PLD5: variants seen among roughly 807,000 people sequenced by gnomAD.
PLD5 encodes the protein phospholipase D family member 5, also known as inactive phospholipase D5.
PLD5 carries 36 observed loss-of-function variants against 61.1 expected under a neutral mutation model. That is an observed-to-expected ratio of 0.59 (90% CI 0.45 to 0.78). PLD5 has a LOEUF of 0.78. Ranked by LOEUF, PLD5 falls within the 30% of genes least tolerant of loss-of-function variation. The pLI is 0.00. For synonymous variants in PLD5, 243 were observed against 242.8 expected, an observed-to-expected ratio of 1.00 and a Z score of -0.01; for missense variants, 515 against 644.4, an observed-to-expected ratio of 0.80 and a Z score of 2.17.
intron 1 of PLD5, among the ~76,000 whole-genome samples, chr1:242,450,573 C>G (rs1000282072): frequency 1.7e-4 from 26 of 152,000 alleles, no homozygotes; most frequent in African/African-American, 5.8e-4. Flanking sequence ...ATGGTTAGGC[C>G]TAGAAAGGGC....
intron 9 of PLD5, among the ~76,000 whole-genome samples, chr1:242,100,070 G>T (rs575241549): frequency 6.6e-6 from 1 of 152,184 alleles, no homozygotes; most frequent in Admixed American, 6.5e-5. Context: ...GCATTAATTG[G>T]GTATTATCTA....
intron 1 of PLD5, among the ~76,000 whole-genome samples, chr1:242,376,238 C>G (rs1370698098): frequency 6.6e-6 from 1 of 152,126 alleles, no homozygotes; most frequent in Non-Finnish European, 1.5e-5. Flanking sequence ...AGGAAATCAG[C>G]CTTCCTTATT....
intron 5 of PLD5, among the ~76,000 whole-genome samples, chr1:242,159,539 T>TGGTTCTCCGAGGTGGGGTAC (rs986061150): frequency 6.6e-6 from 1 of 152,168 alleles, no homozygotes; most frequent in African/African-American, 2.4e-5. Context: ...ACTGTGTTTA[T>TGGTTCTCCGAGGTGGGGTAC]GGTTCTCCGA....
At chr1:242,235,279 C>T (rs1394728200) in intron 4 of PLD5, among the ~76,000 whole-genome samples, 1 of 152,204 alleles carries the variant, frequency 6.6e-6, no homozygotes, top group Non-Finnish European at 1.5e-5. Context: ...CTTTAGATCA[C>T]CTTTAGTATT....
chr1:242,512,255 CAAAAAAA>C lies in PLD5; in HGVS notation c.189+11826_189+11832del, dbSNP rs55735206. Among the ~76,000 whole-genome samples the C allele has an allele frequency of 2.4e-5, 3 of 125,662 alleles. No individual in the cohort carries two copies. The East Asian group carries it at 7.1e-4, about 30-fold the overall frequency. The allele number at this position is 125,662 out of a possible 152,430, so 82.4% of individuals were successfully genotyped here. A position where few individuals can be genotyped will look rare whatever the true frequency, so the allele number is the denominator to read the frequency against. On this transcript the variant is annotated intron_variant, in intron 1 of 9. Transcript: ENST00000536534. The stretch of plus-strand genomic sequence containing the variant: ...TGAAACCTCGTCTCTACTAAAAATA[CAAAAAAA>C]AAAAAAAATTAGCCAGGCATGGTGG...
chr1:242,153,727 C>T (rs1209582496), intron 5 of PLD5, among the ~76,000 whole-genome samples: 1 of 152,084 alleles, frequency 6.6e-6, no homozygotes, highest in Non-Finnish European at 1.5e-5. Context: ...TGTTTTGGTA[C>T]CAGTACCATG....
intron 6 of PLD5, among the ~76,000 whole-genome samples, chr1:242,124,112 G>A (rs1469990166): frequency 6.6e-6 from 1 of 152,194 alleles, no homozygotes; most frequent in Non-Finnish European, 1.5e-5. Context: ...GGTGTCAGAA[G>A]AGCTGGGTGC....
At chr1:242,159,557 T>C (rs1478984972) in intron 5 of PLD5, among the ~76,000 whole-genome samples, 5 of 152,050 alleles carry the variant, frequency 3.3e-5, no homozygotes, top group African/African-American at 1.2e-4. Flanking sequence ...CGAGGTGGGG[T>C]ACGGTTCTCC....
intron 1 of PLD5, among the ~76,000 whole-genome samples, chr1:242,486,774 T>C (rs371550734): frequency 2.0e-5 from 3 of 151,700 alleles, no homozygotes; most frequent in Non-Finnish European, 4.4e-5. Context: ...ATGTTTATTG[T>C]GGCACTATTC....
intron 1 of PLD5, among the ~76,000 whole-genome samples, chr1:242,404,758 C>T (rs1664130998): frequency 6.6e-6 from 1 of 150,968 alleles, no homozygotes; most frequent in Non-Finnish European, 1.5e-5. Context: ...CACACTCTCC[C>T]ATAATTCAGT....
At chr1:242,377,342 T>C in intron 1 of PLD5, 1 of 1,603,256 alleles carries the variant, frequency 6.2e-7, no homozygotes, top group South Asian at 1.1e-5. Context: ...GCTTTTTCAG[T>C]GGTTGAGTGA....
intron 1 of PLD5, among the ~76,000 whole-genome samples, chr1:242,403,692 C>A (rs993031539): frequency 6.6e-6 from 1 of 151,852 alleles, no homozygotes; most frequent in Non-Finnish European, 1.5e-5. Context: ...GGTCTCGAAC[C>A]CTTGACCTCA....
intron 1 of PLD5, among the ~76,000 whole-genome samples, chr1:242,386,615 T>A (rs760472934): frequency 2.0e-5 from 3 of 152,022 alleles, no homozygotes; most frequent in Non-Finnish European, 4.4e-5. Flanking sequence ...CAACAACACA[T>A]CTGAGCTGCA....
chr1:242,219,672 A>G (rs1355598916), intron 5 of PLD5, among the ~76,000 whole-genome samples: 2 of 152,196 alleles, frequency 1.3e-5, no homozygotes, highest in African/African-American at 4.8e-5. Context: ...CCTGTCTCAT[A>G]GATGATGTAA....
intron 5 of PLD5, among the ~76,000 whole-genome samples, chr1:242,127,821 G>A (rs547758314): frequency 3.5e-4 from 54 of 152,162 alleles, no homozygotes; most frequent in South Asian, 1.0e-3. Context: ...TAAATATAAC[G>A]AAATCAATGC....
intron 5 of PLD5, among the ~76,000 whole-genome samples, chr1:242,218,804 G>C (rs1369235785): frequency 6.6e-6 from 1 of 152,196 alleles, no homozygotes; most frequent in African/African-American, 2.4e-5. Flanking sequence ...CCTTGGGTAA[G>C]TTACTTACCT....
At chr1:242,436,199 T>C (rs575128407) in intron 1 of PLD5, among the ~76,000 whole-genome samples, 69 of 152,338 alleles carry the variant, frequency 4.5e-4, no homozygotes, top group African/African-American at 1.3e-3. Context: ...AATCACTCTA[T>C]GCTTCTCCAT....
chr1:242,359,360 G>A (rs1001440933), intron 1 of PLD5, among the ~76,000 whole-genome samples: 3 of 152,194 alleles, frequency 2.0e-5, no homozygotes, highest in African/African-American at 7.2e-5. Flanking sequence ...GCAACTTGAG[G>A]AAGAGGGAAG....
chr1:242,407,144 T>C (rs1664275087), intron 1 of PLD5, among the ~76,000 whole-genome samples: 1 of 152,074 alleles, frequency 6.6e-6, no homozygotes, highest in Non-Finnish European at 1.5e-5. Context: ...GTAAGTCTCA[T>C]GAGATCTGAT....
Sources: allele counts gnomAD v4.1 joint callset (sites outside exome capture counted in the v4.1 genomes callset), GRCh38; gene constraint gnomAD v4.1.1; transcripts MANE v1.5; gene names NCBI Gene and HGNC (gene_info 2026-07-23, HGNC 2026-07-21).